TSPAN18: variants seen among roughly 807,000 people sequenced by gnomAD.
TSPAN18 encodes tetraspanin-18.
Under a neutral mutation model 27.3 loss-of-function variants are expected in TSPAN18, and 14 were observed. That is an observed-to-expected ratio of 0.51 (90% confidence interval 0.34 to 0.80). The LOEUF (loss-of-function observed/expected upper bound fraction) is 0.80, where lower values mean the gene tolerates loss of function less well. Among genes scored for constraint, TSPAN18 ranks in the 30% least tolerant of loss-of-function variants. The probability of loss-of-function intolerance (pLI) is 0.01; values close to 1 mark genes in which losing one functional copy is unlikely to be tolerated. For synonymous variants in TSPAN18, 143 were observed against 136.5 expected (o/e 1.05, Z -0.33); for missense variants, 268 against 323.9 (o/e 0.83, Z 1.32).
At chr11:44,744,181 C>T (rs1292176843) in intron 1 of TSPAN18, among the ~76,000 whole-genome samples, 1 of 152,182 alleles carries the variant, frequency 6.6e-6, no homozygotes, top group African/African-American at 2.4e-5. Flanking sequence ...GGCCTCCTCC[C>T]TGGGTTTGCG....
chr11:44,836,853 C>A (rs1388181836), intron 2 of TSPAN18, among the ~76,000 whole-genome samples: 1 of 152,234 alleles, frequency 6.6e-6, no homozygotes, highest in East Asian at 1.9e-4. Context: ...CGTCTGTTTA[C>A]AGCATGGTTT....
At chr11:44,789,783 A>C (rs1856148129) in intron 2 of TSPAN18, among the ~76,000 whole-genome samples, 1 of 152,156 alleles carries the variant, frequency 6.6e-6, no homozygotes, top group Non-Finnish European at 1.5e-5. Flanking sequence ...CACCACAAGC[A>C]CTGGAAAAGG....
chr11:44,734,814 G>C (rs1372086402), intron 1 of TSPAN18, among the ~76,000 whole-genome samples: 8 of 152,174 alleles, frequency 5.3e-5, no homozygotes, highest in Non-Finnish European at 8.8e-5. Flanking sequence ...TCTCCTTCTG[G>C]GGGGACAGAT....
intron 1 of TSPAN18, among the ~76,000 whole-genome samples, chr11:44,744,557 C>T (rs547448565): frequency 6.6e-6 from 1 of 152,284 alleles, no homozygotes; most frequent in South Asian, 2.1e-4. Context: ...CAAGGCAGTA[C>T]CCCTCTCCGG....
At chr11:44,776,615 TG>T (rs200371006) in intron 2 of TSPAN18, among the ~76,000 whole-genome samples, 2,335 of 152,268 alleles carry the variant, frequency 0.015, 31 homozygotes, top group Non-Finnish European at 0.023. Flanking sequence ...TTCTGAGTGT[TG>T]GTGGTTTTAC....
At chr11:44,834,315 C>A (rs537954595) in intron 2 of TSPAN18, among the ~76,000 whole-genome samples, 1 of 152,052 alleles carries the variant, frequency 6.6e-6, no homozygotes, top group Non-Finnish European at 1.5e-5. Flanking sequence ...GCTTAGAAAA[C>A]AAATCGCTGC....
intron 2 of TSPAN18, among the ~76,000 whole-genome samples, chr11:44,773,243 C>A (rs1389280549): frequency 6.6e-6 from 1 of 151,806 alleles, no homozygotes; most frequent in Non-Finnish European, 1.5e-5. Context: ...ATGGAGAAAC[C>A]CCGTCTCTAC....
chr11:44,874,948 G>T (rs914141714), intron 3 of TSPAN18, among the ~76,000 whole-genome samples: 12 of 152,230 alleles, frequency 7.9e-5, no homozygotes, highest in Admixed American at 7.8e-4. Context: ...GCAGCCCACA[G>T]ACCCATTTTG....
intron 4 of TSPAN18, among the ~76,000 whole-genome samples, chr11:44,908,557 A>G (rs1001019453): frequency 6.6e-6 from 1 of 151,792 alleles, no homozygotes; most frequent in Non-Finnish European, 1.5e-5. Context: ...AACATGGCAA[A>G]ATTCAGTCTC....
intron 5 of TSPAN18, among the ~76,000 whole-genome samples, chr11:44,913,056 T>G (rs1263568871): frequency 6.6e-6 from 1 of 152,228 alleles, no homozygotes; most frequent in Non-Finnish European, 1.5e-5. Flanking sequence ...AACCTGGACC[T>G]AACTGTGTGG....
At chr11:44,882,425 C>T (rs1375216141) in intron 3 of TSPAN18, among the ~76,000 whole-genome samples, 2 of 152,144 alleles carry the variant, frequency 1.3e-5, no homozygotes, top group Non-Finnish European at 2.9e-5. Context: ...CATGCAGAGC[C>T]TCTAAATTAA....
At chr11:44,917,947 C>G (rs1859974360) in intron 5 of TSPAN18, 25 bp from the exon 6 acceptor site, 1 of 1,613,494 alleles carries the variant, frequency 6.2e-7, no homozygotes, top group Non-Finnish European at 8.5e-7. Flanking sequence ...CCTCTGGGCT[C>G]ACAAGGCTGT....
chr11:44,832,571 G>A (rs983116884), intron 2 of TSPAN18, among the ~76,000 whole-genome samples: 2 of 152,168 alleles, frequency 1.3e-5, no homozygotes, highest in African/African-American at 4.8e-5. Flanking sequence ...ACGGAAGCCC[G>A]GAACAAGCCA....
chr11:44,901,435 G>A (rs1859259166), intron 3 of TSPAN18: 1 of 152,296 alleles, frequency 6.6e-6, no homozygotes, highest in Non-Finnish European at 1.5e-5. Flanking sequence ...CTACCCTGGA[G>A]AGAAGCTCTG....
chr11:44,919,389 G>C, intron 7 of TSPAN18, 77 bp downstream of exon 7: 1 of 1,249,738 alleles, frequency 8.0e-7, no homozygotes, highest in Non-Finnish European at 1.2e-6. Flanking sequence ...CCAGGCATCA[G>C]TAATCAATCC....
chr11:44,755,706 A>G (rs1190601128), intron 1 of TSPAN18, among the ~76,000 whole-genome samples: 1 of 152,174 alleles, frequency 6.6e-6, no homozygotes, highest in Non-Finnish European at 1.5e-5. Flanking sequence ...CAAGCAATGC[A>G]TCAGGCTGGC....
chr11:44,896,572 G>A (rs750453925), intron 3 of TSPAN18, among the ~76,000 whole-genome samples: 3 of 152,092 alleles, frequency 2.0e-5, no homozygotes, highest in Non-Finnish European at 4.4e-5. Flanking sequence ...GCCAGCTCCC[G>A]GGGCTGTGGC....
At chr11:44,733,357 T>C (rs1854711136) in intron 1 of TSPAN18, among the ~76,000 whole-genome samples, 1 of 152,230 alleles carries the variant, frequency 6.6e-6, no homozygotes, top group Admixed American at 6.5e-5. Flanking sequence ...ACTGTGTCTA[T>C]TGAGATTATT....
At chr11:44,770,423 A>G (rs768455129) in intron 2 of TSPAN18, among the ~76,000 whole-genome samples, 3 of 152,128 alleles carry the variant, frequency 2.0e-5, no homozygotes, top group Non-Finnish European at 4.4e-5. Context: ...TGTTTGAGGG[A>G]ACAGCAAGGG....
Sources: gnomAD v4.1 joint callset for allele counts (sites outside exome capture counted in the v4.1 genomes callset) on GRCh38, gnomAD v4.1.1 for gene constraint, MANE v1.5 for transcripts, NCBI Gene and HGNC (gene_info 2026-07-23, HGNC 2026-07-21) for gene names.